Variants in REV3L observed in about 807,000 individuals in gnomAD.
The protein encoded by REV3L is DNA polymerase zeta catalytic subunit.
A neutral mutation model predicts 299.4 loss-of-function variants in REV3L; 69 were observed. The ratio of observed to expected loss-of-function variants is 0.23; its 90% confidence interval spans 0.19 to 0.28. The LOEUF is 0.28. Among genes scored for constraint, REV3L ranks in the 10% least tolerant of loss-of-function variants. The pLI is 1.00. For missense variants in REV3L, 3,128 were observed against 3,693.8 expected (o/e 0.85, Z 3.97); for synonymous variants, 1,238 against 1,271.4 (o/e 0.97, Z 0.56).
At chr6:111,305,088 T>C (rs932749415) in intron 31 of REV3L, among the ~76,000 whole-genome samples, 1 of 152,058 alleles carries the variant, frequency 6.6e-6, no homozygotes, top group East Asian at 1.9e-4. Flanking sequence ...ATTACAGGCA[T>C]GTGCCACCAC....
At chr6:111,474,130 T>TA (rs1792615414) in intron 1 of REV3L, among the ~76,000 whole-genome samples, 1 of 152,238 alleles carries the variant, frequency 6.6e-6, no homozygotes, top group Non-Finnish European at 1.5e-5. Context: ...TTGACACATG[T>TA]AATGCTGAAA....
At chr6:111,303,165 C>CTTTCTTTCTTTTTT (rs4038141) in intron 31 of REV3L, among the ~76,000 whole-genome samples, 1 of 92,342 alleles carries the variant, frequency 1.1e-5, no homozygotes, top group African/African-American at 3.9e-5. Context: ...TCTTTTCTTT[C>CTTTCTTTCTTTTTT]TTTTTTTTTT....
intron 6 of REV3L, among the ~76,000 whole-genome samples, chr6:111,389,881 C>T (rs1377665074): frequency 1.3e-5 from 2 of 151,694 alleles, no homozygotes; most frequent in Admixed American, 6.6e-5. Flanking sequence ...GGACTACAGA[C>T]GTGTGCCACC....
At chr6:111,350,756 T>C (rs550863927) in intron 19 of REV3L, among the ~76,000 whole-genome samples, 193 of 151,042 alleles carry the variant, frequency 1.3e-3, no homozygotes, top group African/African-American at 1.6e-3. Context: ...TTCTTTCTTT[T>C]TTTTTTTTTT....
At chr6:111,355,338 A>G (rs1777983114) in intron 18 of REV3L, among the ~76,000 whole-genome samples, 2 of 152,152 alleles carry the variant, frequency 1.3e-5, no homozygotes, top group South Asian at 4.1e-4. Context: ...CAGATTAGGA[A>G]AACAAAGCTG....
chr6:111,410,152 C>G (rs1050208053), intron 3 of REV3L, among the ~76,000 whole-genome samples: 1 of 152,102 alleles, frequency 6.6e-6, no homozygotes, highest in Non-Finnish European at 1.5e-5. Flanking sequence ...TTGCAGTGAG[C>G]TATGACTGCA....
intron 1 of REV3L, among the ~76,000 whole-genome samples, chr6:111,440,384 T>A (rs1002275079): frequency 1.1e-4 from 16 of 152,212 alleles, no homozygotes; most frequent in Non-Finnish European, 1.5e-4. Context: ...GCAAAGATTT[T>A]TATGCTACAG....
chr6:111,383,885 G>A (rs970558255), intron 9 of REV3L, among the ~76,000 whole-genome samples: 7 of 152,030 alleles, frequency 4.6e-5, no homozygotes, highest in Non-Finnish European at 7.4e-5. Context: ...TAATCAAAAC[G>A]GCATGATACT....
intron 1 of REV3L, among the ~76,000 whole-genome samples, chr6:111,458,130 G>A (rs892884500): frequency 2.6e-5 from 4 of 152,068 alleles, no homozygotes; most frequent in African/African-American, 9.7e-5. Context: ...TGCAAGGTTG[G>A]TTCAACATAT....
Position 111,480,142 on chromosome 6 carries a change from C to T in REV3L, c.139+2608G>A, listed in dbSNP as rs543307194. On this transcript the variant is annotated intron_variant, in intron 1 of 31. Coordinates refer to ENST00000368802, the MANE Select transcript of REV3L (RefSeq NM_001372078.1). ...CAAAGTCAATTTTAAAACATTTTCT[C>T]TCCAAACCAAAGTAAAGCATTAAGG... Among the ~76,000 whole-genome samples the T allele has an allele frequency of 2.6e-5, 4 of 152,264 alleles. No homozygotes were observed. In the South Asian group the frequency reaches 8.3e-4, roughly 32 times the overall value.
chr6:111,331,200 C>T (rs531045058), intron 24 of REV3L: 1 of 172,010 alleles, frequency 5.8e-6, no homozygotes, highest in South Asian at 1.9e-4. Flanking sequence ...AAAAGGGACC[C>T]TATTTTTAGT....
upstream of REV3L, chr6:111,483,231 TG>T (rs1026556336): frequency 1.9e-5 from 4 of 205,958 alleles, no homozygotes; most frequent in African/African-American, 1.2e-4. Context: ...ACGCAACCAC[TG>T]GGGGGAGGGG....
In REV3L at chr6:111,299,834, G is replaced by C; in HGVS notation, c.*182C>G. 1 of 481,218 alleles carries C rather than the reference G, an allele frequency of 2.1e-6. No homozygotes were observed. The highest frequency in any genetic ancestry group is 3.6e-6 in the Non-Finnish European group (1 of 281,538). The allele number at this position is 481,218 out of a possible 1,614,324, so 29.8% of individuals were successfully genotyped here. A position where few individuals can be genotyped will look rare whatever the true frequency, so the allele number is the denominator to read the frequency against. ...AGAATGAGGAATTTGTACATTGTAAGAAGTGAGCTATTCAGAGATCAACAA... is the reference window on the plus strand; with the variant it reads ...AGAATGAGGAATTTGTACATTGTAACAAGTGAGCTATTCAGAGATCAACAA... On this transcript the variant is annotated 3_prime_UTR_variant, in exon 32 of 32. Coordinates refer to ENST00000368802, the MANE Select transcript of REV3L (RefSeq NM_001372078.1).
At chr6:111,431,095 G>C (rs1786866883) in intron 1 of REV3L, 4 of 1,502,146 alleles carry the variant, frequency 2.7e-6, no homozygotes, top group African/African-American at 1.4e-5. Context: ...CAACAAGAAT[G>C]ATTCTGATTT....
chr6:111,461,670 A>G (rs1014782371), intron 1 of REV3L, among the ~76,000 whole-genome samples: 2 of 152,052 alleles, frequency 1.3e-5, no homozygotes, highest in Non-Finnish European at 2.9e-5. Context: ...TAGAACTATA[A>G]GGTCCTAATA....
intron 12 of REV3L, among the ~76,000 whole-genome samples, chr6:111,377,345 A>ATTAT (rs1780418313): frequency 1.6e-5 from 2 of 128,498 alleles, no homozygotes; most frequent in Non-Finnish European, 3.7e-5. Flanking sequence ...TTTATTTATT[A>ATTAT]TTTTTTTTGG....
intron 1 of REV3L, among the ~76,000 whole-genome samples, chr6:111,437,941 C>G (rs779923412): frequency 3.9e-5 from 6 of 152,074 alleles, no homozygotes; most frequent in Non-Finnish European, 7.4e-5. Context: ...GCAGGTCTGA[C>G]CACCTGGCTC....
In REV3L at chr6:111,411,535, CATG is replaced by C; in HGVS notation, c.346_348del (p.His116del). ...ATCTTCATAAAGTGTCTTTCCTTCT[CATG>C]ATAACCATAAAAAGGCCTGAAATAT... On this transcript the variant is annotated inframe_deletion, in exon 3 of 32. Coordinates refer to ENST00000368802, the MANE Select transcript of REV3L (RefSeq NM_001372078.1). 1 of 1,579,414 alleles carries C rather than the reference CATG, an allele frequency of 6.3e-7. No individual in the cohort carries two copies. Among genetic ancestry groups the C allele is most frequent in the Non-Finnish European group, 8.6e-7 (1 of 1,157,226 alleles).
intron 28 of REV3L, chr6:111,312,661 G>C (rs1773107121): frequency 6.6e-6 from 1 of 152,252 alleles, no homozygotes; most frequent in African/African-American, 2.4e-5. Context: ...GGGTTCAAGT[G>C]ATTCTCACAC....
Sources: allele counts gnomAD v4.1 joint callset (sites outside exome capture counted in the v4.1 genomes callset), GRCh38; gene constraint gnomAD v4.1.1; transcripts MANE v1.5; gene names NCBI Gene and HGNC (gene_info 2026-07-23, HGNC 2026-07-21).